The following CDH4 variants were observed in gnomAD, a reference collection of about 807,000 sequenced individuals.
CDH4 encodes cadherin-4.
CDH4 carries 33 observed loss-of-function variants against 86.0 expected under a neutral mutation model. That is an observed-to-expected ratio of 0.38 (90% confidence interval 0.29 to 0.51). The LOEUF is 0.51. CDH4 is among the 20% of genes least tolerant of loss of function. CDH4 has a pLI of 0.86. For synonymous variants in CDH4, 555 were observed against 549.4 expected (o/e 1.01, Z -0.14); for missense variants, 1,114 against 1,307.4 (o/e 0.85, Z 2.28).
intron 4 of CDH4, among the ~76,000 whole-genome samples, chr20:61,822,551 C>T (rs1243818618): frequency 1.3e-5 from 2 of 152,188 alleles, no homozygotes; most frequent in Non-Finnish European, 2.9e-5. Flanking sequence ...CCTCTGTGCA[C>T]ACAGCCACAC....
chr20:61,419,749 C>T (rs1184715800), intron 2 of CDH4, among the ~76,000 whole-genome samples: 1 of 152,164 alleles, frequency 6.6e-6, no homozygotes, highest in African/African-American at 2.4e-5. Flanking sequence ...CTGGCCAATT[C>T]CATCTAACCC....
chr20:61,757,522 G>A (rs373256093), intron 3 of CDH4, among the ~76,000 whole-genome samples: 24 of 152,324 alleles, frequency 1.6e-4, no homozygotes, highest in African/African-American at 4.8e-4. Context: ...CTGCAGGGGC[G>A]GCCCCAGACT....
chr20:61,890,198 G>A (rs143799339), intron 7 of CDH4, among the ~76,000 whole-genome samples: 3 of 88,416 alleles, frequency 3.4e-5, no homozygotes, highest in South Asian at 3.7e-4. Flanking sequence ...ATAGATGATG[G>A]ATGGATAGAT....
intron 4 of CDH4, among the ~76,000 whole-genome samples, chr20:61,785,034 G>A (rs114865793): frequency 7.0e-4 from 107 of 152,310 alleles, no homozygotes; most frequent in African/African-American, 1.8e-3. Flanking sequence ...TGTGGCCGAC[G>A]CTTGGGCACT....
At chr20:61,900,911 A>G (rs1277034838) in intron 8 of CDH4, among the ~76,000 whole-genome samples, 4 of 152,232 alleles carry the variant, frequency 2.6e-5, no homozygotes, top group Non-Finnish European at 4.4e-5. Flanking sequence ...ACCTGACTCA[A>G]AGAAAGACCA....
chr20:61,884,737 G>T (rs1447903637), intron 7 of CDH4, among the ~76,000 whole-genome samples: 1 of 152,200 alleles, frequency 6.6e-6, no homozygotes, highest in Non-Finnish European at 1.5e-5. Context: ...AATTCACCTG[G>T]ACAGGTGGAA....
At chr20:61,732,036 C>T (rs796697669) in intron 2 of CDH4, among the ~76,000 whole-genome samples, 13 of 152,350 alleles carry the variant, frequency 8.5e-5, no homozygotes, top group African/African-American at 2.6e-4. Context: ...TGTCCTCTCT[C>T]TCCCTCCTTC....
At chr20:61,565,265 G>GGTGGTGGTA (rs1555809158) in intron 2 of CDH4, among the ~76,000 whole-genome samples, 1 of 21,742 alleles carries the variant, frequency 4.6e-5, no homozygotes, top group Non-Finnish European at 7.5e-5. Flanking sequence ...TGATGGTGGT[G>GGTGGTGGTA]GTGGTCCTCT....
At chr20:61,638,529 G>A (rs1290887756) in intron 2 of CDH4, among the ~76,000 whole-genome samples, 1 of 152,178 alleles carries the variant, frequency 6.6e-6, no homozygotes, top group African/African-American at 2.4e-5. Flanking sequence ...ATGGAGGAGA[G>A]CTGGGAGGGC....
intron 2 of CDH4, among the ~76,000 whole-genome samples, chr20:61,588,991 T>C (rs1314839473): frequency 6.6e-6 from 1 of 152,218 alleles, no homozygotes; most frequent in Non-Finnish European, 1.5e-5. Context: ...ACATCGATAA[T>C]TGTTTTAGTT....
intron 2 of CDH4, among the ~76,000 whole-genome samples, chr20:61,483,671 G>GCCCCCCCCCCCCCCCC (rs556546550): frequency 6.1e-5 from 8 of 131,664 alleles, no homozygotes; most frequent in African/African-American, 2.0e-4. Flanking sequence ...ACCAGCACCC[G>GCCCCCCCCCCCCCCCC]CCCCCCCCGC....
intron 2 of CDH4, among the ~76,000 whole-genome samples, chr20:61,415,104 A>T (rs1054966576): frequency 6.6e-6 from 1 of 152,196 alleles, no homozygotes; most frequent in Admixed American, 6.5e-5. Context: ...TGGTATTCAA[A>T]TTCTTTTCAG....
At chr20:61,638,054 G>GGA (rs2145797542) in intron 2 of CDH4, among the ~76,000 whole-genome samples, 1 of 144,078 alleles carries the variant, frequency 6.9e-6, no homozygotes, top group South Asian at 2.2e-4. Flanking sequence ...AGAGAGGAGA[G>GGA]GAGAAGAGTC....
Position 61,653,651 on chromosome 20 carries a change from G to T in CDH4, c.170-89912G>T, listed in dbSNP as rs1196885739. The stretch of plus-strand genomic sequence containing the variant: ...GACGGGGTGGCTGCCGGGCTGAGGG[G>T]CTCCTCACTTCTCAGACAGGGCGGC... On this transcript the variant is annotated intron_variant, in intron 2 of 15. Coordinates refer to ENST00000614565, the MANE Select transcript of CDH4 (RefSeq NM_001794.5). 7.3e-5 allele frequency among the ~76,000 whole-genome samples: 7 copies of T among 95,380 alleles called. 1 individual carries two copies. Among genetic ancestry groups the T allele is most frequent in the Non-Finnish European group, 1.6e-4 (6 of 38,248 alleles). The allele number at this position is 95,380 out of a possible 152,430, so 62.6% of individuals were successfully genotyped here. A position where few individuals can be genotyped will look rare whatever the true frequency, so the allele number is the denominator to read the frequency against.
intron 3 of CDH4, among the ~76,000 whole-genome samples, chr20:61,755,812 G>A (rs1468308233): frequency 5.3e-5 from 8 of 152,020 alleles, no homozygotes; most frequent in East Asian, 1.9e-4. Flanking sequence ...TTACACGTAC[G>A]CACATTCCAC....
At chr20:61,642,910 T>C (rs2087026159) in intron 2 of CDH4, among the ~76,000 whole-genome samples, 1 of 152,204 alleles carries the variant, frequency 6.6e-6, no homozygotes, top group Admixed American at 6.5e-5. Context: ...GCCTCCTTCT[T>C]TCCCTTTTAA....
At chr20:61,680,837 T>G (rs865810829) in intron 2 of CDH4, among the ~76,000 whole-genome samples, 22 of 152,268 alleles carry the variant, frequency 1.4e-4, no homozygotes, top group Middle Eastern at 3.4e-3. Flanking sequence ...CCCCTGTGTC[T>G]TCTTCTCATC....
intron 4 of CDH4, among the ~76,000 whole-genome samples, chr20:61,832,767 T>G (rs1981681490): frequency 6.6e-6 from 1 of 152,096 alleles, no homozygotes; most frequent in African/African-American, 2.4e-5. Context: ...GAGATTCGGG[T>G]GGGGACACAA....
chr20:61,879,163 C>T lies in CDH4; in HGVS notation c.1050+5263C>T, dbSNP rs1984171578. Among the ~76,000 whole-genome samples the T allele has an allele frequency of 6.6e-6, 1 of 152,204 alleles. No individual in the cohort carries two copies. Among genetic ancestry groups the T allele is most frequent in the Non-Finnish European group, 1.5e-5 (1 of 68,040 alleles). ...AGACGCCAAGCGAGCACCAGTTCAG[C>T]TCCCCCGGGACCCGGCCTTCACCCA... is the stretch of plus-strand genomic sequence containing the variant. On this transcript the variant is annotated intron_variant, in intron 7 of 15. Coordinates refer to ENST00000614565, the MANE Select transcript of CDH4 (RefSeq NM_001794.5). The surrounding 1 kb of genome is among the most constrained non-coding windows in gnomAD (Gnocchi z 4.1).
Sources: gnomAD v4.1 joint callset for allele counts (sites outside exome capture counted in the v4.1 genomes callset) on GRCh38, gnomAD v4.1.1 for gene constraint, Gnocchi (gnomAD v3.1) non-coding constraint, MANE v1.5 for transcripts, NCBI Gene and HGNC (gene_info 2026-07-23, HGNC 2026-07-21) for gene names.